Variants in SENP7 observed in about 807,000 individuals in gnomAD.
The protein encoded by SENP7 is SUMO specific peptidase 7, also known as sentrin-specific protease 7.
A neutral mutation model predicts 141.2 loss-of-function variants in SENP7; 64 were observed. The ratio of observed to expected loss-of-function variants is 0.45; its 90% CI spans 0.37 to 0.56. SENP7 has a LOEUF of 0.56. Ranked by LOEUF, SENP7 falls within the 20% of genes least tolerant of loss-of-function variation. The pLI is 0.00. For missense variants in SENP7, 1,025 were observed against 1,212.2 expected, an observed-to-expected ratio of 0.85 and a Z score of 2.29; for synonymous variants, 382 against 426.4, an observed-to-expected ratio of 0.90 and a Z score of 1.28.
chr3:101,411,012 T>A (rs1238441715), intron 5 of SENP7, among the ~76,000 whole-genome samples: 1 of 152,128 alleles, frequency 6.6e-6, no homozygotes, highest in Non-Finnish European at 1.5e-5. Flanking sequence ...GCAAGGACTT[T>A]GAAGTTAGAC....
chr3:101,403,154 C>T (rs1297139731), intron 5 of SENP7, among the ~76,000 whole-genome samples: 2 of 152,134 alleles, frequency 1.3e-5, no homozygotes, highest in Non-Finnish European at 2.9e-5. Flanking sequence ...TCCAGACCCC[C>T]GCCATAAAGT....
In SENP7 at chr3:101,481,753, A is replaced by T. The variant is rs566111869; in HGVS notation, c.186+12120T>A. Among the ~76,000 whole-genome samples, 4 of 152,364 alleles carry T rather than the reference A, an allele frequency of 2.6e-5. No homozygotes were observed. The South Asian group carries it at 6.2e-4, about 24-fold the overall frequency. On this transcript the variant is annotated intron_variant, in intron 3 of 23. Transcript: ENST00000394095. ...TCACATGTAACAAAATATCACATGTATGCCATAAATATATACAAATATTTA... is the reference window on the plus strand; with the variant it reads ...TCACATGTAACAAAATATCACATGTTTGCCATAAATATATACAAATATTTA...
At chr3:101,488,206 T>G (rs1035333654) in intron 3 of SENP7, among the ~76,000 whole-genome samples, 1 of 151,986 alleles carries the variant, frequency 6.6e-6, no homozygotes, top group Non-Finnish European at 1.5e-5. Flanking sequence ...AGGTATTTCA[T>G]TTTTTTTAAG....
chr3:101,438,882 C>T (rs1302844485), intron 4 of SENP7, among the ~76,000 whole-genome samples: 3 of 151,506 alleles, frequency 2.0e-5, no homozygotes, highest in African/African-American at 7.3e-5. Context: ...CCCCGCGGGG[C>T]CCGAGGGCAA....
chr3:101,397,089 C>T (rs550185794), intron 6 of SENP7, among the ~76,000 whole-genome samples: 11 of 152,234 alleles, frequency 7.2e-5, no homozygotes, highest in African/African-American at 2.6e-4. Context: ...ATGATCCACC[C>T]GCCTCAGCCT....
At chr3:101,357,979 A>C in intron 11 of SENP7, 1 of 626,412 alleles carries the variant, frequency 1.6e-6, no homozygotes, top group South Asian at 1.7e-5. Flanking sequence ...CCCTTTTTTC[A>C]CATAAGAAAA....
At chr3:101,331,418 G>A (rs1246636860) in intron 19 of SENP7, among the ~76,000 whole-genome samples, 1 of 150,880 alleles carries the variant, frequency 6.6e-6, no homozygotes, top group African/African-American at 2.4e-5. Context: ...AGGAGTTCGA[G>A]GTTGCAATGA....
chr3:101,374,238 C>G (rs1181089582), intron 6 of SENP7, among the ~76,000 whole-genome samples: 1 of 152,052 alleles, frequency 6.6e-6, no homozygotes, highest in African/African-American at 2.4e-5. Context: ...GTGCTGTGAA[C>G]ATAGGATAGT....
chr3:101,462,671 C>A lies in SENP7; in HGVS notation c.187-3619G>T, dbSNP rs577342941. On this transcript the variant is annotated intron_variant, in intron 3 of 23. Coordinates refer to ENST00000394095, the MANE Select transcript of SENP7 (RefSeq NM_020654.5). ...TCGCTAGAGGCCAGGAGTTCGAGAC[C>A]AGCCTGGGCAACACGATGAAACCCT... is the stretch of plus-strand genomic sequence containing the variant. 8.6e-5 allele frequency among the ~76,000 whole-genome samples: 13 copies of A among 151,980 alleles called. No individual in the cohort carries two copies. In the South Asian group the frequency reaches 2.7e-3, roughly 32 times the overall value.
At chr3:101,359,613 A>G (rs1316222988) in intron 11 of SENP7, among the ~76,000 whole-genome samples, 3 of 151,768 alleles carry the variant, frequency 2.0e-5, no homozygotes, top group Non-Finnish European at 4.4e-5. Context: ...ATTTGAAATG[A>G]CCAACAATTA....
chr3:101,344,072 T>C (rs1279730784), intron 13 of SENP7, 118 bp from the exon 14 acceptor site: 1 of 767,832 alleles, frequency 1.3e-6, no homozygotes, highest in Non-Finnish European at 2.0e-6. Context: ...ATTTTGTATT[T>C]TAGGTAATAA....
rs777265241 is a variant in SENP7, at chr3:101,358,226, C to T, written c.1623+3489G>A. The T allele has an allele frequency of 9.2e-4, 777 of 841,656 alleles. 1 individual carries two copies. The highest frequency in any genetic ancestry group is 1.3e-3 in the Non-Finnish European group (734 of 551,688). The allele number at this position is 841,656 out of a possible 1,614,324, so 52.1% of individuals were successfully genotyped here. A position where few individuals can be genotyped will look rare whatever the true frequency, so the allele number is the denominator to read the frequency against. On this transcript the variant is annotated intron_variant, in intron 11 of 23. Transcript: ENST00000394095. ...CCTGGTTTAGTCAAGCCTCACTAAA[C>T]ATAAGAGAACTCATACTAGAGAGAA...
At chr3:101,461,033 T>A (rs534093713) in intron 3 of SENP7, among the ~76,000 whole-genome samples, 1 of 151,912 alleles carries the variant, frequency 6.6e-6, no homozygotes, top group Non-Finnish European at 1.5e-5. Context: ...AGAATGTGAA[T>A]AGATATTTCT....
At chr3:101,359,380 T>C (rs1378344791) in intron 11 of SENP7, 1 of 149,308 alleles carries the variant, frequency 6.7e-6, no homozygotes, top group Admixed American at 6.7e-5. Flanking sequence ...AAAATTTATA[T>C]ATAATATATA....
At chr3:101,493,031 T>C (rs1437987539) in intron 3 of SENP7, among the ~76,000 whole-genome samples, 1 of 152,026 alleles carries the variant, frequency 6.6e-6, no homozygotes, top group Non-Finnish European at 1.5e-5. Flanking sequence ...ATAAAGAAAA[T>C]GTGGTACATA....
chr3:101,478,487 T>C (rs1280143581), intron 3 of SENP7, among the ~76,000 whole-genome samples: 2 of 152,096 alleles, frequency 1.3e-5, no homozygotes, highest in Non-Finnish European at 2.9e-5. Context: ...ATCATGCCAC[T>C]GTACTACAGC....
Position 101,492,476 on chromosome 3 carries a change from GT to G in SENP7, c.186+1396del, listed in dbSNP as rs566679039. ...ACGTTATCCTAAAATAAATGCTACA[GT>G]TATGGACTGAATTGTATTCCCCCAA... On this transcript the variant is annotated intron_variant, in intron 3 of 23. Coordinates refer to ENST00000394095, the MANE Select transcript of SENP7 (RefSeq NM_020654.5). 2.1e-3 allele frequency among the ~76,000 whole-genome samples: 321 copies of G among 152,306 alleles called. 1 individual carries two copies. Among genetic ancestry groups the G allele is most frequent in the African/African-American group, 7.1e-3 (297 of 41,566 alleles).
intron 8 of SENP7, 81 bp from the exon 9 acceptor site, chr3:101,366,850 A>G: frequency 1.3e-6 from 1 of 742,496 alleles, no homozygotes; most frequent in Non-Finnish European, 2.1e-6. Context: ...AAAAAAAAGT[A>G]AAAATATTAT....
At chr3:101,326,854 T>G (rs2058913628) in intron 23 of SENP7, among the ~76,000 whole-genome samples, 1 of 152,060 alleles carries the variant, frequency 6.6e-6, no homozygotes, top group African/African-American at 2.4e-5. Context: ...AATTATACTG[T>G]TTTATATTTG....
Sources: gnomAD v4.1 joint callset for allele counts (sites outside exome capture counted in the v4.1 genomes callset) on GRCh38, gnomAD v4.1.1 for gene constraint, MANE v1.5 for transcripts, NCBI Gene and HGNC (gene_info 2026-07-23, HGNC 2026-07-21) for gene names.